TJP2: variants seen among roughly 807,000 people sequenced by gnomAD.
TJP2 encodes tight junction protein 2.
TJP2 carries 91 observed loss-of-function variants against 133.1 expected under a neutral mutation model. The ratio of observed to expected loss-of-function variants is 0.68; its 90% CI spans 0.58 to 0.81. TJP2 has a LOEUF of 0.81. TJP2 is among the 40% of genes least tolerant of loss of function. TJP2 has a pLI of 0.00. For missense variants in TJP2, 1,541 were observed against 1,565.6 expected (o/e 0.98, Z 0.26); for synonymous variants, 592 against 583.4 (o/e 1.01, Z -0.21).
chr9:69,224,429 G>C (rs1464296138), intron 5 of TJP2, among the ~76,000 whole-genome samples: 3 of 152,128 alleles, frequency 2.0e-5, no homozygotes, highest in African/African-American at 7.2e-5. Context: ...TGTAATCCTA[G>C]CACTTTGGGA....
intron 2 of TJP2, among the ~76,000 whole-genome samples, chr9:69,168,143 A>C (rs1824462410): frequency 6.6e-6 from 1 of 152,240 alleles, no homozygotes; most frequent in South Asian, 2.1e-4. Flanking sequence ...AAGAATCTTC[A>C]GTTGCCCAAA....
At chr9:69,216,576 TTATA>T in intron 3 of TJP2, 113 bp downstream of exon 3, 1 of 1,170,088 alleles carries the variant, frequency 8.5e-7, no homozygotes. Flanking sequence ...TAACAAACTT[TTATA>T]TAATATTTGA....
At chr9:69,194,970 C>T (rs1826445915) in intron 1 of TJP2, among the ~76,000 whole-genome samples, 1 of 152,168 alleles carries the variant, frequency 6.6e-6, no homozygotes, top group East Asian at 1.9e-4. Flanking sequence ...AGGCTCATTG[C>T]TAGGTGGTAC....
Position 69,227,823 on chromosome 9 carries a change from T to C in TJP2, c.1269T>C (p.Tyr423=). 1 of 1,614,060 alleles carries C rather than the reference T, an allele frequency of 6.2e-7. No individual in the cohort carries two copies. Among genetic ancestry groups the C allele is most frequent in the Non-Finnish European group, 8.5e-7 (1 of 1,179,952 alleles). ...SFSPEERRHQ[Y]SDYDYHSSSE... is the part of the protein sequence containing the mutation. The stretch of plus-strand genomic sequence containing the variant: ...CTCCAGAGGAGAGACGTCATCAGTA[T>C]TCTGATTATGATTATCATTCCTCAA... Residue 423 remains tyrosine, a synonymous_variant, in exon 8 of 23, where the codon TAT becomes TAC. Coordinates refer to ENST00000377245, the MANE Select transcript of TJP2 (RefSeq NM_004817.4).
At chr9:69,238,625 C>T (rs1830365685) in intron 15 of TJP2, 85 bp from the exon 16 acceptor site, 2 of 1,002,128 alleles carry the variant, frequency 2.0e-6, no homozygotes, top group East Asian at 2.6e-5. Context: ...GTCAGGTGTG[C>T]CATCATTGCT....
chr9:69,173,465 G>A (rs894539488), upstream of TJP2, among the ~76,000 whole-genome samples: 1 of 152,186 alleles, frequency 6.6e-6, no homozygotes, highest in Non-Finnish European at 1.5e-5. Flanking sequence ...TGACCTACTG[G>A]CAACCTTTTA....
chr9:69,241,846 T>C (rs1249065284), intron 17 of TJP2, among the ~76,000 whole-genome samples: 1 of 152,164 alleles, frequency 6.6e-6, no homozygotes, highest in Non-Finnish European at 1.5e-5. Context: ...TGTCCAATAT[T>C]GTACATATGT....
chr9:69,131,845 G>A (rs1822507764), intron 1 of TJP2, among the ~76,000 whole-genome samples: 1 of 152,182 alleles, frequency 6.6e-6, no homozygotes, highest in Non-Finnish European at 1.5e-5. Flanking sequence ...CTGCATCTGT[G>A]GAGAGGGAGT....
Position 69,163,324 on chromosome 9 carries a change from G to C in TJP2, c.-10+11553G>C, listed in dbSNP as rs1328230859. On this transcript the variant is annotated intron_variant, in intron 2 of 5. Coordinates refer to the TJP2 transcript ENST00000423935. Reference sequence around the variant, plus strand: ...TTACAGGCGTGAGCCACCGCGCCCGGCCTCAGTATCTTTATTTTAAAACAT... The same window carrying C: ...TTACAGGCGTGAGCCACCGCGCCCGCCCTCAGTATCTTTATTTTAAAACAT... Among the ~76,000 whole-genome samples the C allele has an allele frequency of 6.9e-5, 3 of 43,292 alleles. 1 individual carries two copies. The East Asian group carries it at 4.3e-3, about 62-fold the overall frequency. 28.4% of individuals were successfully genotyped at this position (43,292 alleles called of 152,430 possible).
At chr9:69,188,921 T>C (rs912033606) in intron 1 of TJP2, among the ~76,000 whole-genome samples, 2 of 152,192 alleles carry the variant, frequency 1.3e-5, no homozygotes, top group Non-Finnish European at 2.9e-5. Context: ...GGTTATAGAA[T>C]TGGAAGGAAA....
At chr9:69,253,134 C>T in intron 22 of TJP2, 1 of 568,920 alleles carries the variant, frequency 1.8e-6, no homozygotes, top group Non-Finnish European at 3.2e-6. Flanking sequence ...TTGATGTTTC[C>T]AGCCAGTACA....
chr9:69,230,217 A>G lies in TJP2; in HGVS notation c.1656A>G (p.Gly552=), dbSNP rs150723764. 1.5e-5 allele frequency: 25 copies of G among 1,614,070 alleles called. No individual in the cohort carries two copies. The African/African-American group carries it at 3.2e-4, about 21-fold the overall frequency. ...TSAEQEGLQE[G]DQILKVNTQD... is the part of the protein sequence containing the mutation. Reference sequence around the variant, plus strand: ...CGGAGCAGGAGGGCCTTCAAGAAGGAGACCAGATTCTGAAGGTAAGAACAG... The same window carrying G: ...CGGAGCAGGAGGGCCTTCAAGAAGGGGACCAGATTCTGAAGGTAAGAACAG... Residue 552 remains glycine, a synonymous_variant, in exon 11 of 23, where the codon GGA becomes GGG. Coordinates refer to ENST00000377245, the MANE Select transcript of TJP2 (RefSeq NM_004817.4).
At chr9:69,249,725 T>A in intron 20 of TJP2, 12 of 985,420 alleles carry the variant, frequency 1.2e-5, no homozygotes, top group Non-Finnish European at 1.2e-5. Context: ...TTAGTGTTTA[T>A]TTAATTTACT....
Position 69,125,126 on chromosome 9 carries a change from T to A in TJP2, c.-131+3401T>A, listed in dbSNP as rs1587863986. 2.8e-5 allele frequency among the ~76,000 whole-genome samples: 2 copies of A among 72,382 alleles called. 1 individual carries two copies. Among genetic ancestry groups the A allele is most frequent in the East Asian group, 8.4e-4 (2 of 2,376 alleles). 47.5% of individuals were successfully genotyped at this position (72,382 alleles called of 152,430 possible). A position where few individuals can be genotyped will look rare whatever the true frequency, so the allele number is the denominator to read the frequency against. On this transcript the variant is annotated intron_variant, in intron 1 of 5. Transcript: ENST00000423935. The stretch of plus-strand genomic sequence containing the variant: ...TGCCACCACGCTTAGCTAATTTTTG[T>A]ATTTTTAGTAGAGATGGGGTTTCTC...
At position 69,240,522 on chromosome 9, in the gene TJP2, A is replaced by ACTTGGTTTCATTATTTAAATC. The variant is rs1272519150; in HGVS notation, c.2566+394_2566+395insTCCTTGGTTTCATTATTTAAA. On this transcript the variant is annotated intron_variant, in intron 17 of 22. Coordinates refer to ENST00000377245, the MANE Select transcript of TJP2 (RefSeq NM_004817.4). Reference sequence around the variant, plus strand: ...TGCATTAACTTACAAAGCGAAAGGAACTTGGTTTCATTATTTAAAAATATT... The same window carrying ACTTGGTTTCATTATTTAAATC: ...TGCATTAACTTACAAAGCGAAAGGAACTTGGTTTCATTATTTAAATCCTTGGTTTCATTATTTAAAAATATT... 3.3e-5 allele frequency among the ~76,000 whole-genome samples: 5 copies of ACTTGGTTTCATTATTTAAATC among 152,338 alleles called. No individual in the cohort carries two copies. The East Asian group carries it at 9.6e-4, about 29-fold the overall frequency.
chr9:69,221,597 A>G, intron 5 of TJP2, 101 bp downstream of exon 5: 6 of 1,468,318 alleles, frequency 4.1e-6, no homozygotes, highest in Non-Finnish European at 5.6e-6. Context: ...TCTGTCATCC[A>G]GGCTGGAGGG....
chr9:69,235,650 G>T (rs1300971166), intron 12 of TJP2, among the ~76,000 whole-genome samples: 3 of 152,128 alleles, frequency 2.0e-5, no homozygotes, highest in Admixed American at 2.0e-4. Flanking sequence ...GAAGGGGTCT[G>T]ATTGTCATTC....
chr9:69,174,211 C>T (rs1824874042), upstream of TJP2: 5 of 1,403,158 alleles, frequency 3.6e-6, no homozygotes, highest in Non-Finnish European at 4.6e-6. Context: ...GCCGCCGCCG[C>T]CGCGGGAGGA....
At chr9:69,210,302 A>ACC (rs780756132) in intron 1 of TJP2, among the ~76,000 whole-genome samples, 23 of 55,258 alleles carry the variant, frequency 4.2e-4, no homozygotes, top group East Asian at 7.0e-4. Context: ...CCCCCCCCAA[A>ACC]AAAAAAAAAA....
Sources: allele counts gnomAD v4.1 joint callset (sites outside exome capture counted in the v4.1 genomes callset), GRCh38; gene constraint gnomAD v4.1.1; transcripts MANE v1.5; gene names NCBI Gene and HGNC (gene_info 2026-07-23, HGNC 2026-07-21).